Variants in ELAPOR2 observed in about 807,000 individuals in gnomAD.
ELAPOR2 encodes endosome-lysosome associated apoptosis and autophagy regulator family member 2, also known as endosome/lysosome-associated apoptosis and autophagy regulator family member 2.
A neutral mutation model predicts 120.7 loss-of-function variants in ELAPOR2; 89 were observed. That is an observed-to-expected ratio of 0.74 (90% confidence interval 0.62 to 0.88). ELAPOR2 has a LOEUF of 0.88. Among genes scored for constraint, ELAPOR2 ranks in the 40% least tolerant of loss-of-function variants. ELAPOR2 has a pLI of 0.00. For synonymous variants in ELAPOR2, 444 were observed against 444.9 expected, an observed-to-expected ratio of 1.00 and a Z score of 0.03; for missense variants, 1,134 against 1,251.6, an observed-to-expected ratio of 0.91 and a Z score of 1.42.
intron 1 of ELAPOR2, among the ~76,000 whole-genome samples, chr7:86,996,367 G>C (rs953174544): frequency 1.3e-5 from 2 of 152,110 alleles, no homozygotes; most frequent in African/African-American, 4.8e-5. Flanking sequence ...CAGAGAGAAG[G>C]AGCCCAAAGA....
At chr7:86,957,764 G>A (rs1405226661) in intron 2 of ELAPOR2, among the ~76,000 whole-genome samples, 2 of 152,130 alleles carry the variant, frequency 1.3e-5, no homozygotes, top group African/African-American at 4.8e-5. Flanking sequence ...AGTGGAGGCA[G>A]GAGGATCACT....
At chr7:86,933,445 T>A (rs1376188972) in intron 8 of ELAPOR2, among the ~76,000 whole-genome samples, 9 of 151,968 alleles carry the variant, frequency 5.9e-5, no homozygotes, top group Admixed American at 5.9e-4. Flanking sequence ...CCAGACCAGC[T>A]GAGACTGGTT....
intron 1 of ELAPOR2, among the ~76,000 whole-genome samples, chr7:86,974,906 T>C (rs918425847): frequency 4.6e-5 from 7 of 152,184 alleles, no homozygotes; most frequent in Non-Finnish European, 1.0e-4. Flanking sequence ...TCACTTTCCC[T>C]GATGGGTGAC....
intron 1 of ELAPOR2, among the ~76,000 whole-genome samples, chr7:86,980,212 G>A (rs1390819941): frequency 1.3e-5 from 2 of 152,184 alleles, no homozygotes; most frequent in African/African-American, 4.8e-5. Flanking sequence ...AATAAATAGT[G>A]CCTTTGAATT....
chr7:87,031,673 A>G (rs1794426588), intron 1 of ELAPOR2, among the ~76,000 whole-genome samples: 1 of 152,216 alleles, frequency 6.6e-6, no homozygotes, highest in African/African-American at 2.4e-5. Flanking sequence ...TGCTGCGGCT[A>G]AATTTTATAA....
At chr7:86,984,016 C>T (rs1312514784) in intron 1 of ELAPOR2, among the ~76,000 whole-genome samples, 1 of 151,740 alleles carries the variant, frequency 6.6e-6, no homozygotes, top group Non-Finnish European at 1.5e-5. Flanking sequence ...TGGAAAACCA[C>T]AACAACAAAA....
At chr7:86,881,752 G>T (rs1057119009) in intron 21 of ELAPOR2, among the ~76,000 whole-genome samples, 1 of 152,162 alleles carries the variant, frequency 6.6e-6, no homozygotes, top group African/African-American at 2.4e-5. Flanking sequence ...TCTGAAGGCT[G>T]CTGGAATGGG....
intron 9 of ELAPOR2, 123 bp from the exon 10 acceptor site, chr7:86,925,779 G>T: frequency 1.2e-6 from 1 of 865,058 alleles, no homozygotes; most frequent in Admixed American, 2.3e-5. Context: ...AAAGATATTG[G>T]ACTACCAGTT....
At chr7:87,041,090 C>A (rs1330224732) in intron 1 of ELAPOR2, among the ~76,000 whole-genome samples, 2 of 152,094 alleles carry the variant, frequency 1.3e-5, no homozygotes, top group Non-Finnish European at 2.9e-5. Flanking sequence ...ATGAGCAAAG[C>A]CTCCAAGAAA....
Position 86,907,780 on chromosome 7 carries a change from A to G in ELAPOR2, c.2457-9T>C. The G allele has an allele frequency of 6.7e-7, 1 of 1,502,826 alleles. No individual in the cohort carries two copies. The highest frequency in any genetic ancestry group is 1.3e-5 in the South Asian group (1 of 76,766). The allele number at this position is 1,502,826 out of a possible 1,614,324, so 93.1% of individuals were successfully genotyped here. A position where few individuals can be genotyped will look rare whatever the true frequency, so the allele number is the denominator to read the frequency against. On this transcript the variant is annotated splice_polypyrimidine_tract_variant and intron_variant, in intron 17 of 21. Transcript: ENST00000450689. ...TTGTTGCTGTAGAAGACCTATTGTA[A>G]GCCAAATAACATTTTTAAAAAACAG...
chr7:86,964,235 CT>C (rs1388020518), intron 2 of ELAPOR2, among the ~76,000 whole-genome samples: 1 of 142,632 alleles, frequency 7.0e-6, no homozygotes, highest in Non-Finnish European at 1.5e-5. Context: ...GCAGGAACCC[CT>C]AACTCACTAA....
chr7:86,977,015 G>T (rs1192638674), intron 1 of ELAPOR2, among the ~76,000 whole-genome samples: 2 of 152,166 alleles, frequency 1.3e-5, no homozygotes, highest in Non-Finnish European at 2.9e-5. Flanking sequence ...CTGCAACTAT[G>T]GGTGCTAACA....
At chr7:87,032,433 G>A (rs1233191723) in intron 1 of ELAPOR2, among the ~76,000 whole-genome samples, 1 of 152,156 alleles carries the variant, frequency 6.6e-6, no homozygotes, top group Admixed American at 6.5e-5. Context: ...TAAAATGACA[G>A]AATTACACAT....
intron 5 of ELAPOR2, chr7:86,941,303 C>T (rs778565476): frequency 1.9e-6 from 1 of 530,580 alleles, no homozygotes; most frequent in East Asian, 5.5e-5. Flanking sequence ...GTCTCTCTCA[C>T]TCCAAAGAGA....
At chr7:86,933,399 A>G (rs1280413752) in intron 8 of ELAPOR2, among the ~76,000 whole-genome samples, 6 of 151,982 alleles carry the variant, frequency 3.9e-5, no homozygotes, top group Non-Finnish European at 8.8e-5. Flanking sequence ...TATCTTTAAG[A>G]AACAGGATGC....
At chr7:86,939,075 C>T in intron 6 of ELAPOR2, 115 bp from the exon 7 acceptor site, 2 of 1,104,348 alleles carry the variant, frequency 1.8e-6, no homozygotes, top group East Asian at 5.0e-5. Context: ...GTAAGGTCAG[C>T]CCAAATCTTT....
intron 13 of ELAPOR2, among the ~76,000 whole-genome samples, chr7:86,914,137 A>G (rs903109163): frequency 1.3e-5 from 2 of 152,190 alleles, no homozygotes; most frequent in African/African-American, 4.8e-5. Context: ...GGAAGGTTAC[A>G]TCTATAGAGA....
intron 1 of ELAPOR2, among the ~76,000 whole-genome samples, chr7:87,006,621 C>G (rs377730654): frequency 6.6e-6 from 1 of 152,116 alleles, no homozygotes; most frequent in African/African-American, 2.4e-5. Context: ...GGAATGAAAA[C>G]AACTTGGAAC....
chr7:86,947,662 GAA>G, intron 3 of ELAPOR2, 63 bp downstream of exon 3: 1 of 1,351,782 alleles, frequency 7.4e-7, no homozygotes, highest in South Asian at 1.4e-5. Context: ...CTTCTTTCTG[GAA>G]AAGAGCAACT....
Sources: gnomAD v4.1 joint callset for allele counts (sites outside exome capture counted in the v4.1 genomes callset) on GRCh38, gnomAD v4.1.1 for gene constraint, MANE v1.5 for transcripts, NCBI Gene and HGNC (gene_info 2026-07-23, HGNC 2026-07-21) for gene names.